SELENOT: variants seen among roughly 807,000 people sequenced by gnomAD.
The protein encoded by SELENOT is thioredoxin reductase-like selenoprotein T.
In SELENOT, 9 loss-of-function variants were observed where a neutral mutation model predicts 24.3. The ratio of observed to expected loss-of-function variants is 0.37; its 90% CI spans 0.22 to 0.65. The LOEUF is 0.65. SELENOT is among the 30% of genes least tolerant of loss of function. The pLI is 0.60. For synonymous variants in SELENOT, 81 were observed against 86.0 expected (o/e 0.94, Z 0.32); for missense variants, 166 against 247.6 (o/e 0.67, Z 2.21).
At chr3:150,610,971 A>G (rs1726072912) in intron 1 of SELENOT, among the ~76,000 whole-genome samples, 2 of 149,110 alleles carry the variant, frequency 1.3e-5, no homozygotes, top group Admixed American at 6.7e-5. Flanking sequence ...TCTGTATTTA[A>G]TGGTCTTGCC....
chr3:150,618,378 A>G (rs1726265494), intron 1 of SELENOT, among the ~76,000 whole-genome samples: 1 of 152,250 alleles, frequency 6.6e-6, no homozygotes, highest in Admixed American at 6.5e-5. Context: ...TTTTGTAACA[A>G]TAAATATCTG....
intron 1 of SELENOT, among the ~76,000 whole-genome samples, chr3:150,605,622 C>G (rs1206156707): frequency 6.7e-6 from 1 of 148,156 alleles, no homozygotes; most frequent in Non-Finnish European, 1.5e-5. Context: ...TTTTCTGACA[C>G]TATCCACCGG....
At chr3:150,615,890 A>G (rs879573281) in intron 1 of SELENOT, among the ~76,000 whole-genome samples, 3,691 of 151,196 alleles carry the variant, frequency 0.024, 57 homozygotes, top group Non-Finnish European at 0.037. Context: ...CCGCATCACC[A>G]AGTCAATCCT....
At chr3:150,626,382 AC>A in intron 4 of SELENOT, among the ~76,000 whole-genome samples, 1 of 152,306 alleles carries the variant, frequency 6.6e-6, no homozygotes, top group South Asian at 2.1e-4. Flanking sequence ...TTATTAGAAC[AC>A]AACCATGTCC....
Position 150,603,325 on chromosome 3 carries a change from T to G in SELENOT, c.-38T>G. 4 of 1,592,870 alleles carry G rather than the reference T, an allele frequency of 2.5e-6. No homozygotes were observed. The highest frequency in any genetic ancestry group is 3.4e-6 in the Non-Finnish European group (4 of 1,165,032). On this transcript the variant is annotated 5_prime_UTR_variant, in exon 1 of 6. Transcript: ENST00000471696. ...CTCCTGGGCTTTGGGCTGGCTGCAG[T>G]CTGTCTGAGGGCGGCCGAAGTGGCT...
intron 1 of SELENOT, among the ~76,000 whole-genome samples, chr3:150,607,755 T>C (rs2108004762): frequency 6.6e-6 from 1 of 152,270 alleles, no homozygotes; most frequent in East Asian, 1.9e-4. Flanking sequence ...GTACTTATAG[T>C]AGGAAAGACC....
Position 150,628,499 on chromosome 3 carries a change from A to G in SELENOT, c.*870A>G, listed in dbSNP as rs529522159. 8 of 152,512 alleles carry G rather than the reference A, an allele frequency of 5.2e-5. No individual in the cohort carries two copies. The South Asian group carries it at 1.7e-3, about 32-fold the overall frequency. 9.4% of individuals were successfully genotyped at this position (152,512 alleles called of 1,614,324 possible). On this transcript the variant is annotated 3_prime_UTR_variant, in exon 6 of 6. Transcript: ENST00000471696. Reference sequence around the variant, plus strand: ...AAGAGTACACACTTTAGATACACAAATAATCGTTCATTTACCATCTTTAGG... The same window carrying G: ...AAGAGTACACACTTTAGATACACAAGTAATCGTTCATTTACCATCTTTAGG...
chr3:150,623,749 A>G (rs1262680759), intron 3 of SELENOT, among the ~76,000 whole-genome samples: 2 of 151,994 alleles, frequency 1.3e-5, no homozygotes, highest in African/African-American at 4.8e-5. Context: ...TTTCTAGATT[A>G]CTCTGATTTT....
Position 150,623,078 on chromosome 3 carries a change from T to C in SELENOT, c.284T>C (p.Val95Ala). ...TCTTTCCTGTCAGTCTTCAAACTAG[T>C]ATTAATAGGCTTAATAATTGTTGGC... is the stretch of plus-strand genomic sequence containing the variant. ...IASFLSVFKL[V>A]LIGLIIVGKD... The change falls in exon 3 of 6, where the codon GTA (valine) becomes GCA (alanine). Residue 95 changes from valine (V) to alanine (A), a missense_variant. By Grantham distance (64) the Val-to-Ala change is moderately conservative (BLOSUM62 0). Coordinates refer to ENST00000471696, the MANE Select transcript of SELENOT (RefSeq NM_016275.5). 3 of 1,601,094 alleles carry C rather than the reference T, an allele frequency of 1.9e-6. No homozygotes were observed. Among genetic ancestry groups the C allele is most frequent in the Admixed American group, 1.7e-5 (1 of 58,544 alleles).
At chr3:150,603,661 G>A (rs1259611171) in intron 1 of SELENOT, 162 bp downstream of exon 1, 6 of 803,052 alleles carry the variant, frequency 7.5e-6, no homozygotes, top group African/African-American at 1.8e-5. Flanking sequence ...GCCCCTTAGC[G>A]CGGTCAGGCC....
chr3:150,621,303 A>T (rs1726338350), intron 1 of SELENOT, among the ~76,000 whole-genome samples: 1 of 152,086 alleles, frequency 6.6e-6, no homozygotes, highest in African/African-American at 2.4e-5. Flanking sequence ...TCTTAAATTG[A>T]GATCTACTAA....
intron 4 of SELENOT, 56 bp downstream of exon 4, chr3:150,624,955 A>G (rs2108014915): frequency 2.2e-6 from 2 of 894,666 alleles, no homozygotes; most frequent in African/African-American, 1.7e-5. Flanking sequence ...TATAATGAGT[A>G]TCAAGCTTTT....
At chr3:150,624,347 T>C (rs1362222826) in intron 3 of SELENOT, among the ~76,000 whole-genome samples, 2 of 152,182 alleles carry the variant, frequency 1.3e-5, no homozygotes, top group Non-Finnish European at 1.5e-5. Flanking sequence ...CTTAGCCGCT[T>C]TTGGGAGAGA....
intron 1 of SELENOT, among the ~76,000 whole-genome samples, chr3:150,604,686 G>T (rs1725918176): frequency 6.6e-6 from 1 of 152,192 alleles, no homozygotes; most frequent in Non-Finnish European, 1.5e-5. Context: ...TAGAAAATAA[G>T]ATGGTGAGAC....
In SELENOT at chr3:150,628,705, C is replaced by A. The variant is rs925223518; in HGVS notation, c.*1076C>A. 6.6e-6 allele frequency: 1 copy of A among 151,974 alleles called. No homozygotes were observed. The highest frequency in any genetic ancestry group is 2.4e-5 in the African/African-American group (1 of 41,366). The allele number at this position is 151,974 out of a possible 1,614,324, so 9.4% of individuals were successfully genotyped here. On this transcript the variant is annotated 3_prime_UTR_variant, in exon 6 of 6. Transcript: ENST00000471696. ...AATTTTTAAATACTGTTTCAGAGTT[C>A]TAAAAAGGCAGTTTTTTAAAAAACT... is the stretch of plus-strand genomic sequence containing the variant.
intron 1 of SELENOT, among the ~76,000 whole-genome samples, chr3:150,614,126 T>C (rs1330790773): frequency 3.9e-5 from 6 of 152,176 alleles, no homozygotes; most frequent in South Asian, 2.1e-4. Context: ...GACGCTGTTA[T>C]AATAAACATT....
At chr3:150,622,658 T>C (rs1726367330) in intron 2 of SELENOT, among the ~76,000 whole-genome samples, 163 bp downstream of exon 2, 1 of 152,224 alleles carries the variant, frequency 6.6e-6, no homozygotes, top group Admixed American at 6.5e-5. Context: ...TGACCCAATA[T>C]AGAAGGCTTT....
At chr3:150,606,259 C>T (rs2108003933) in intron 1 of SELENOT, among the ~76,000 whole-genome samples, 1 of 151,668 alleles carries the variant, frequency 6.6e-6, no homozygotes, top group East Asian at 1.9e-4. Flanking sequence ...CCTCCCACCA[C>T]AGCCTCCCAA....
chr3:150,613,299 GC>G, intron 1 of SELENOT, among the ~76,000 whole-genome samples: 1 of 152,072 alleles, frequency 6.6e-6, no homozygotes, highest in South Asian at 2.1e-4. Flanking sequence ...ATTAGACCCT[GC>G]CTCCCAACAG....
Sources: gnomAD v4.1 joint callset for allele counts (sites outside exome capture counted in the v4.1 genomes callset) on GRCh38, gnomAD v4.1.1 for gene constraint, MANE v1.5 for transcripts, NCBI Gene and HGNC (gene_info 2026-07-23, HGNC 2026-07-21) for gene names.